The following NRXN1 variants were observed in gnomAD, a reference collection of about 807,000 sequenced individuals.
NRXN1 encodes the protein neurexin 1.
In NRXN1, 39 loss-of-function variants were observed where a neutral mutation model predicts 150.9. That is an observed-to-expected ratio of 0.26 (90% CI 0.20 to 0.34). NRXN1 has a LOEUF of 0.34. Ranked by LOEUF, NRXN1 falls within the 10% of genes least tolerant of loss-of-function variation. NRXN1 has a pLI of 1.00. For missense variants in NRXN1, 1,815 were observed against 1,949.9 expected, an observed-to-expected ratio of 0.93 and a Z score of 1.30; for synonymous variants, 924 against 757.0, an observed-to-expected ratio of 1.22 and a Z score of -3.62.
intron 17 of NRXN1, among the ~76,000 whole-genome samples, chr2:50,260,558 C>A (rs1465776134): frequency 6.6e-6 from 1 of 150,814 alleles, no homozygotes; most frequent in Admixed American, 6.6e-5. Context: ...AACCATAATT[C>A]CTATTCAATC....
intron 5 of NRXN1, among the ~76,000 whole-genome samples, chr2:50,696,664 C>T (rs1692928834): frequency 1.3e-5 from 2 of 152,120 alleles, no homozygotes; most frequent in South Asian, 4.1e-4. Flanking sequence ...AACCAGCAAG[C>T]ACACCCATTA....
chr2:50,348,642 T>C (rs940180311), intron 17 of NRXN1, among the ~76,000 whole-genome samples: 23 of 152,254 alleles, frequency 1.5e-4, no homozygotes, highest in African/African-American at 5.1e-4. Context: ...CATCTTTAAC[T>C]GAAAGCTGTG....
At position 50,506,610 on chromosome 2, in the gene NRXN1, A is replaced by T; in HGVS notation, c.2382T>A (p.Gly794=). 1 of 1,613,230 alleles carries T rather than the reference A, an allele frequency of 6.2e-7. No homozygotes were observed. The highest frequency in any genetic ancestry group is 8.5e-7 in the Non-Finnish European group (1 of 1,179,448). ...CIRINCNSSK[G]PETLFAGYNL... ...TATAGCCAGCAAAAAGAGTCTCGGG[A>T]CCTTTGCCTGTAGAATATGCCAAAC... Residue 794 remains glycine (G), a synonymous_variant, in exon 13 of 23, where the codon GGT becomes GGA. Transcript: ENST00000401669.
intron 17 of NRXN1, among the ~76,000 whole-genome samples, chr2:50,418,599 G>C (rs1294949975): frequency 1.3e-5 from 2 of 151,936 alleles, no homozygotes; most frequent in Non-Finnish European, 2.9e-5. Flanking sequence ...TTCTCTCTCT[G>C]ATTTTAAAAT....
intron 17 of NRXN1, among the ~76,000 whole-genome samples, chr2:50,388,874 A>T (rs767550818): frequency 5.3e-5 from 8 of 152,160 alleles, no homozygotes; most frequent in African/African-American, 9.7e-5. Context: ...TAAAAAAAAA[A>T]ATATTGTTAC....
intron 5 of NRXN1, among the ~76,000 whole-genome samples, chr2:50,833,749 T>G (rs1671726097): frequency 6.6e-6 from 1 of 152,212 alleles, no homozygotes. Context: ...ACTGCACGTG[T>G]TAAAATTCAC....
intron 18 of NRXN1, among the ~76,000 whole-genome samples, chr2:50,128,369 G>C (rs1319305339): frequency 6.6e-6 from 1 of 152,162 alleles, no homozygotes; most frequent in Admixed American, 6.5e-5. Context: ...AGCCAATTAA[G>C]TTAAATCCAT....
chr2:50,621,041 C>A (rs1434295633), intron 7 of NRXN1, 185 bp downstream of exon 7: 3 of 534,002 alleles, frequency 5.6e-6, no homozygotes, highest in Non-Finnish European at 1.0e-5. Flanking sequence ...TTGACAGGAA[C>A]AGGTAAAAAA....
intron 9 of NRXN1, chr2:50,547,328 C>A (rs2093517181): frequency 2.7e-5 from 4 of 147,652 alleles, no homozygotes; most frequent in Admixed American, 2.7e-4. Flanking sequence ...TAAAATAAGA[C>A]TGGCAGTTTG....
chr2:50,436,243 C>A (rs984102832), intron 17 of NRXN1, among the ~76,000 whole-genome samples: 1 of 152,184 alleles, frequency 6.6e-6, no homozygotes, highest in South Asian at 2.1e-4. Context: ...CACCAGAGGT[C>A]GGGAGTTCGA....
intron 15 of NRXN1, among the ~76,000 whole-genome samples, chr2:50,493,361 CT>C (rs1189389145): frequency 6.6e-6 from 1 of 152,142 alleles, no homozygotes; most frequent in Non-Finnish European, 1.5e-5. Flanking sequence ...AACATTACTG[CT>C]GCAAAAAAGC....
At chr2:50,272,254 A>G (rs1052246893) in intron 17 of NRXN1, among the ~76,000 whole-genome samples, 17 of 152,210 alleles carry the variant, frequency 1.1e-4, no homozygotes, top group African/African-American at 4.1e-4. Flanking sequence ...CTATCACCAC[A>G]GGTCAGACCT....
At chr2:49,929,288 C>T (rs1179614371) in intron 22 of NRXN1, among the ~76,000 whole-genome samples, 1 of 152,158 alleles carries the variant, frequency 6.6e-6, no homozygotes, top group African/African-American at 2.4e-5. Context: ...ACACTGAAGA[C>T]AAATAAACAG....
intron 19 of NRXN1, among the ~76,000 whole-genome samples, chr2:50,071,177 T>C (rs1696246270): frequency 6.6e-6 from 1 of 152,236 alleles, no homozygotes; most frequent in African/African-American, 2.4e-5. Flanking sequence ...GCCGTATAAC[T>C]CTGGCCTGAT....
Position 51,027,537 on chromosome 2 carries a change from G to T in NRXN1, c.737C>A (p.Ser246Ter), listed in dbSNP as rs774716467. The stretch of plus-strand genomic sequence containing the variant: ...GTCCTTGCCGCGGAAGCCGGTTCGC[G>T]AGCAGTCGCACACGGCCTGGTCGTC... ...VVDDQAVCDC[S>*]RTGFRGKDCS... Residue 246 changes from serine (S) to a stop codon, truncating the protein, a stop_gained, in exon 2 of 23, where the codon TCG (serine) becomes TAG (stop). Coordinates refer to ENST00000401669, the MANE Select transcript of NRXN1 (RefSeq NM_001330078.2). LOFTEE classifies it high-confidence loss of function. The T allele has an allele frequency of 6.4e-7, 1 of 1,564,726 alleles. No homozygotes were observed. The highest frequency in any genetic ancestry group is 1.2e-5 in the South Asian group (1 of 86,170).
chr2:50,584,994 C>A (rs768015536), intron 8 of NRXN1, among the ~76,000 whole-genome samples: 1 of 152,002 alleles, frequency 6.6e-6, no homozygotes, highest in Non-Finnish European at 1.5e-5. Flanking sequence ...AAACTTGAGT[C>A]GTGCACACAA....
Position 50,443,945 on chromosome 2 carries a change from C to T in NRXN1, c.3364+21497G>A, listed in dbSNP as rs367785385. ...TGACTGTTTAATTACAAAAATGTAC[C>T]TGGGGCATAAAAGGAAGAATTAAAC... On this transcript the variant is annotated intron_variant, in intron 17 of 22. Coordinates refer to ENST00000401669, the MANE Select transcript of NRXN1 (RefSeq NM_001330078.2). Among the ~76,000 whole-genome samples, 116 of 151,992 alleles carry T rather than the reference C, an allele frequency of 7.6e-4. 1 individual carries two copies. Among genetic ancestry groups the T allele is most frequent in the African/African-American group, 2.7e-3 (110 of 41,466 alleles).
chr2:50,446,567 C>T lies in NRXN1; in HGVS notation c.3364+18875G>A, dbSNP rs1403208378. Among the ~76,000 whole-genome samples the T allele has an allele frequency of 6.1e-5, 8 of 130,232 alleles. No individual in the cohort carries two copies. The East Asian group carries it at 2.0e-3, about 32-fold the overall frequency. The allele number at this position is 130,232 out of a possible 152,430, so 85.4% of individuals were successfully genotyped here. A position where few individuals can be genotyped will look rare whatever the true frequency, so the allele number is the denominator to read the frequency against. ...CCTTCCTTCCCTCCTTCTTTCCTTC[C>T]TTCCTTCTTTCCTCCTTCCTTCCTT... On this transcript the variant is annotated intron_variant, in intron 17 of 22. Coordinates refer to ENST00000401669, the MANE Select transcript of NRXN1 (RefSeq NM_001330078.2).
At chr2:50,094,694 T>C (rs1173718951) in intron 18 of NRXN1, among the ~76,000 whole-genome samples, 2 of 151,746 alleles carry the variant, frequency 1.3e-5, no homozygotes, top group Non-Finnish European at 2.9e-5. Flanking sequence ...CTGTGTAGAA[T>C]TGTATTGTAT....
Sources: allele counts gnomAD v4.1 joint callset (sites outside exome capture counted in the v4.1 genomes callset), GRCh38; gene constraint gnomAD v4.1.1; transcripts MANE v1.5; gene names NCBI Gene and HGNC (gene_info 2026-07-23, HGNC 2026-07-21).